The following ZNF713 variants were observed in gnomAD, a reference collection of about 807,000 sequenced individuals.
The protein encoded by ZNF713 is zinc finger protein 713.
In ZNF713, 21 loss-of-function variants were observed where a neutral mutation model predicts 28.7. The ratio of observed to expected loss-of-function variants is 0.73; its 90% CI spans 0.52 to 1.05. The LOEUF (loss-of-function observed/expected upper bound fraction) is 1.05. ZNF713 is among the 50% of genes least tolerant of loss of function. The pLI is 0.00. For missense variants in ZNF713, 458 were observed against 532.4 expected (o/e 0.86, Z 1.37); for synonymous variants, 167 against 178.0 (o/e 0.94, Z 0.49).
intron 1 of ZNF713, among the ~76,000 whole-genome samples, chr7:55,897,000 A>G (rs1387560709): frequency 3.3e-5 from 5 of 152,224 alleles, no homozygotes; most frequent in African/African-American, 9.6e-5. Flanking sequence ...CTTTTAACTC[A>G]TAGAATAAAA....
chr7:55,907,953 T>G (rs1191210841), intron 2 of ZNF713, among the ~76,000 whole-genome samples: 2 of 151,980 alleles, frequency 1.3e-5, no homozygotes, highest in East Asian at 1.9e-4. Context: ...ATATAATAAT[T>G]TATTTATCTC....
At chr7:55,937,065 A>G (rs1358759453) in intron 6 of ZNF713, among the ~76,000 whole-genome samples, 2 of 152,102 alleles carry the variant, frequency 1.3e-5, no homozygotes, top group Non-Finnish European at 2.9e-5. Context: ...TGGGGAGGCC[A>G]AGGCGGGCGG....
At position 55,922,877 on chromosome 7, in the gene ZNF713, T is replaced by A. The variant is rs547083944; in HGVS notation, c.88-285T>A. 1.8e-4 allele frequency among the ~76,000 whole-genome samples: 28 copies of A among 152,300 alleles called. No homozygotes were observed. The South Asian group carries it at 5.2e-3, about 28-fold the overall frequency. On this transcript the variant is annotated intron_variant, in intron 4 of 6. Coordinates refer to ENST00000429591, the MANE Select transcript of ZNF713 (RefSeq NM_182633.3). ...AACTGAACCCACAATATCTCTGAGG[T>A]GTCCTTGTAGTTTTTTAATCATTTG...
At chr7:55,901,555 T>G (rs1785578782) in intron 1 of ZNF713, among the ~76,000 whole-genome samples, 1 of 152,228 alleles carries the variant, frequency 6.6e-6, no homozygotes. Flanking sequence ...TGTCTAGTAG[T>G]TTAATCAATC....
chr7:55,926,349 T>C, intron 6 of ZNF713, among the ~76,000 whole-genome samples: 1 of 152,178 alleles, frequency 6.6e-6, no homozygotes, highest in East Asian at 1.9e-4. Flanking sequence ...TCATTGTGCA[T>C]CTATATGTGG....
intron 4 of ZNF713, among the ~76,000 whole-genome samples, chr7:55,920,997 A>T (rs1293352240): frequency 6.6e-6 from 1 of 152,102 alleles, no homozygotes; most frequent in Non-Finnish European, 1.5e-5. Flanking sequence ...GTTAAGGGAT[A>T]ATGCACCTGG....
intron 1 of ZNF713, among the ~76,000 whole-genome samples, chr7:55,902,027 C>T (rs1055390044): frequency 6.6e-6 from 1 of 152,110 alleles, no homozygotes; most frequent in Non-Finnish European, 1.5e-5. Context: ...CTCGTCTCTA[C>T]TAAAAATACA....
At chr7:55,900,006 A>G (rs770398086) in intron 1 of ZNF713, among the ~76,000 whole-genome samples, 3 of 152,030 alleles carry the variant, frequency 2.0e-5, no homozygotes, top group Admixed American at 6.5e-5. Flanking sequence ...AGCCTCCCAA[A>G]GTGCAGGGAT....
rs1385598435 is a variant in ZNF713 at position 55,941,570 on chromosome 7, T to G, written c.*1564T>G. 6.6e-6 allele frequency: 1 copy of G among 152,108 alleles called. No individual in the cohort carries two copies. Among genetic ancestry groups the G allele is most frequent in the African/African-American group, 2.4e-5 (1 of 41,440 alleles). The allele number at this position is 152,108 out of a possible 1,614,324, so 9.4% of individuals were successfully genotyped here. Reference sequence around the variant, plus strand: ...TCACGAACGTCAGTTATTTGTATGCTTTCTTTACAGTTTTTACCATATCTA... The same window carrying G: ...TCACGAACGTCAGTTATTTGTATGCGTTCTTTACAGTTTTTACCATATCTA... On this transcript the variant is annotated 3_prime_UTR_variant, in exon 7 of 7. Coordinates refer to ENST00000429591, the MANE Select transcript of ZNF713 (RefSeq NM_182633.3).
chr7:55,892,555 C>A (rs1304547527), intron 1 of ZNF713, among the ~76,000 whole-genome samples: 103 of 74,330 alleles, frequency 1.4e-3, no homozygotes, highest in South Asian at 2.4e-3. Context: ...AAGCACTGAC[C>A]AAAAAAAAAA....
chr7:55,918,237 G>A (rs904557938), intron 4 of ZNF713: 5 of 350,122 alleles, frequency 1.4e-5, no homozygotes, highest in African/African-American at 8.4e-5. Context: ...ATGGAGAGGA[G>A]CCAAGGCCCA....
rs1413079615 is a variant in ZNF713, at chr7:55,887,648, C to G, written c.-615C>G. On this transcript the variant is annotated 5_prime_UTR_variant, in exon 1 of 7. Transcript: ENST00000429591. ...CGGCGGCGGCGGCGGCGTCAGGGGG[C>G]GGAGCCTGCCGAAGCGCCCTTTGTC... 3 of 160,094 alleles carry G rather than the reference C, an allele frequency of 1.9e-5. No homozygotes were observed. The highest frequency in any genetic ancestry group is 3.7e-5 in the Non-Finnish European group (3 of 81,410). The allele number at this position is 160,094 out of a possible 1,614,324, so 9.9% of individuals were successfully genotyped here.
chr7:55,892,653 AC>A (rs1785408226), intron 1 of ZNF713, among the ~76,000 whole-genome samples: 1 of 151,474 alleles, frequency 6.6e-6, no homozygotes, highest in Non-Finnish European at 1.5e-5. Flanking sequence ...CGATTGGATC[AC>A]ATGAGGTCGG....
intron 4 of ZNF713, among the ~76,000 whole-genome samples, chr7:55,917,406 A>G (rs1463605747): frequency 6.6e-6 from 1 of 152,106 alleles, no homozygotes; most frequent in Non-Finnish European, 1.5e-5. Context: ...TCCAACAGAA[A>G]AAGGTACAAA....
chr7:55,917,101 C>G (rs1785894349), intron 4 of ZNF713, among the ~76,000 whole-genome samples: 2 of 151,986 alleles, frequency 1.3e-5, no homozygotes, highest in African/African-American at 4.8e-5. Flanking sequence ...GTAGTCCCAG[C>G]TTCTTGGGAG....
chr7:55,934,353 T>TA (rs1562749235), intron 6 of ZNF713, among the ~76,000 whole-genome samples: 1 of 152,032 alleles, frequency 6.6e-6, no homozygotes, highest in Non-Finnish European at 1.5e-5. Context: ...AGCCCATAAA[T>TA]ATATGGGGAA....
chr7:55,919,244 A>G (rs530392659), intron 4 of ZNF713, among the ~76,000 whole-genome samples: 1 of 152,332 alleles, frequency 6.6e-6, no homozygotes, highest in South Asian at 2.1e-4. Context: ...AAATTCAGAA[A>G]GGGATTCACA....
At chr7:55,931,319 C>T (rs1188924476) in intron 6 of ZNF713, among the ~76,000 whole-genome samples, 1 of 152,054 alleles carries the variant, frequency 6.6e-6, no homozygotes, top group Non-Finnish European at 1.5e-5. Flanking sequence ...TGTTACCCAA[C>T]AATATTTATC....
At chr7:55,932,890 C>CAAAAAAAAAAAAAAAA (rs61092452) in intron 6 of ZNF713, among the ~76,000 whole-genome samples, 16 of 47,762 alleles carry the variant, frequency 3.3e-4, no homozygotes, top group Admixed American at 9.6e-4. Context: ...GACTCCGTCT[C>CAAAAAAAAAAAAAAAA]AAAAAAAAAA....
Sources: allele counts gnomAD v4.1 joint callset (sites outside exome capture counted in the v4.1 genomes callset), GRCh38; gene constraint gnomAD v4.1.1; transcripts MANE v1.5; gene names NCBI Gene and HGNC (gene_info 2026-07-23, HGNC 2026-07-21).